Variants in ARNT observed in about 807,000 individuals in gnomAD.
ARNT encodes aryl hydrocarbon receptor nuclear translocator.
A neutral mutation model predicts 105.0 loss-of-function variants in ARNT; 30 were observed. That is an observed-to-expected ratio of 0.29 (90% CI 0.21 to 0.39). The LOEUF is 0.39. Among genes scored for constraint, ARNT ranks in the 10% least tolerant of loss-of-function variants. The pLI, the probability that ARNT is intolerant of heterozygous loss-of-function variation, is 1.00. For missense variants in ARNT, 748 were observed against 978.7 expected (o/e 0.76, Z 3.15); for synonymous variants, 304 against 344.0 (o/e 0.88, Z 1.29).
At chr1:150,846,183 A>T (rs1662168686) in intron 4 of ARNT, 80 bp downstream of exon 4, 1 of 1,227,290 alleles carries the variant, frequency 8.1e-7, no homozygotes, top group Non-Finnish European at 1.2e-6. Flanking sequence ...AGAAAAAATT[A>T]AGTCAATATG....
intron 21 of ARNT, 69 bp downstream of exon 21, chr1:150,813,103 C>T: frequency 1.3e-6 from 2 of 1,535,620 alleles, no homozygotes; most frequent in Non-Finnish European, 8.9e-7. Context: ...GCTTCCTTCA[C>T]TGTCTCTCCT....
chr1:150,847,983 C>T (rs1268308726), intron 3 of ARNT, among the ~76,000 whole-genome samples: 2 of 151,980 alleles, frequency 1.3e-5, no homozygotes, highest in Non-Finnish European at 2.9e-5. Flanking sequence ...AAGATAGATG[C>T]TATTAACTGT....
intron 4 of ARNT, among the ~76,000 whole-genome samples, chr1:150,844,038 C>T (rs937953125): frequency 4.6e-5 from 7 of 152,074 alleles, no homozygotes; most frequent in South Asian, 2.1e-4. Flanking sequence ...ATCATTCATG[C>T]GATGTTTTCA....
At chr1:150,839,261 T>C (rs965411906) in intron 6 of ARNT, 180 bp downstream of exon 6, 3 of 625,510 alleles carry the variant, frequency 4.8e-6, no homozygotes, top group Non-Finnish European at 8.3e-6. Context: ...TAAATAGTTT[T>C]CACAACTCTT....
chr1:150,844,439 T>C (rs963104073), intron 4 of ARNT, among the ~76,000 whole-genome samples: 2 of 152,214 alleles, frequency 1.3e-5, no homozygotes, highest in Non-Finnish European at 2.9e-5. Flanking sequence ...AGCCTGAGAT[T>C]GCATCTCACC....
chr1:150,814,714 G>A (rs1341543849), intron 19 of ARNT, among the ~76,000 whole-genome samples: 4 of 152,078 alleles, frequency 2.6e-5, no homozygotes, highest in Admixed American at 6.6e-5. Flanking sequence ...ATGGTGGCAC[G>A]TGCCTGTAAT....
At chr1:150,833,763 A>G (rs1424823383) in intron 8 of ARNT, among the ~76,000 whole-genome samples, 1 of 152,038 alleles carries the variant, frequency 6.6e-6, no homozygotes, top group Non-Finnish European at 1.5e-5. Context: ...AAGACATAGG[A>G]AGTCTCAAAT....
chr1:150,832,889 G>C (rs1016553949), intron 8 of ARNT, among the ~76,000 whole-genome samples: 5 of 152,054 alleles, frequency 3.3e-5, no homozygotes, highest in Non-Finnish European at 7.4e-5. Flanking sequence ...CTATGTCTTT[G>C]CATTAGCCAT....
In ARNT at chr1:150,811,761, T is replaced by C. The variant is rs935892692; in HGVS notation, c.*260A>G. On this transcript the variant is annotated 3_prime_UTR_variant, in exon 22 of 22. Coordinates refer to ENST00000358595, the MANE Select transcript of ARNT (RefSeq NM_001668.4). ...CTATACAATTTCAGGTCAGGAGACATAAGGAAAGGTGTTTTAACTTCACCC... is the reference window on the plus strand; with the variant it reads ...CTATACAATTTCAGGTCAGGAGACACAAGGAAAGGTGTTTTAACTTCACCC... The C allele has an allele frequency of 1.3e-5, 4 of 301,326 alleles. No individual in the cohort carries two copies. The highest frequency in any genetic ancestry group is 2.5e-5 in the Non-Finnish European group (4 of 162,770). The allele number at this position is 301,326 out of a possible 1,614,324, so 18.7% of individuals were successfully genotyped here. A position where few individuals can be genotyped will look rare whatever the true frequency, so the allele number is the denominator to read the frequency against.
chr1:150,834,094 C>T (rs1227637900), intron 8 of ARNT, among the ~76,000 whole-genome samples: 2 of 151,942 alleles, frequency 1.3e-5, no homozygotes, highest in East Asian at 1.9e-4. Flanking sequence ...CCACCACGCC[C>T]GTCTAATTTT....
At chr1:150,847,089 A>C (rs757473181) in intron 3 of ARNT, among the ~76,000 whole-genome samples, 1 of 152,186 alleles carries the variant, frequency 6.6e-6, no homozygotes, top group Non-Finnish European at 1.5e-5. Flanking sequence ...GTGTGCAAAT[A>C]TCTCTTCAAG....
At chr1:150,813,810 G>C (rs1186210652) in intron 20 of ARNT, among the ~76,000 whole-genome samples, 1 of 151,894 alleles carries the variant, frequency 6.6e-6, no homozygotes, top group East Asian at 1.9e-4. Context: ...ACACCCGGTA[G>C]AGACAGGGTT....
At position 150,832,256 on chromosome 1, in the gene ARNT, A is replaced by G. The variant is rs111746420; in HGVS notation, c.869+78T>C. 47 of 1,474,778 alleles carry G rather than the reference A, an allele frequency of 3.2e-5. 1 individual carries two copies. Among genetic ancestry groups the G allele is most frequent in the African/African-American group, 2.5e-4 (18 of 72,066 alleles). The allele number at this position is 1,474,778 out of a possible 1,614,324, so 91.4% of individuals were successfully genotyped here. A position where few individuals can be genotyped will look rare whatever the true frequency, so the allele number is the denominator to read the frequency against. ...AGTGAGAGCTGCTGAAGGAACGACT[A>G]CAGTAAGACAGGTAAAAATGTGATG... is the stretch of plus-strand genomic sequence containing the variant. On this transcript the variant is annotated intron_variant, in intron 9 of 21. Transcript: ENST00000358595.
intron 1 of ARNT, among the ~76,000 whole-genome samples, chr1:150,861,863 A>G (rs1373219611): frequency 6.6e-6 from 1 of 152,256 alleles, no homozygotes; most frequent in Admixed American, 6.5e-5. Context: ...TGTAAATTAC[A>G]TAATATCCAG....
At chr1:150,868,180 C>T (rs1398493551) in intron 1 of ARNT, among the ~76,000 whole-genome samples, 1 of 151,900 alleles carries the variant, frequency 6.6e-6, no homozygotes, top group African/African-American at 2.4e-5. Flanking sequence ...CCAAGCCGGG[C>T]ACTGTGGTGT....
rs185688546 is a variant in ARNT, at chr1:150,869,183, A to G, written c.25+7360T>C. 2.6e-5 allele frequency among the ~76,000 whole-genome samples: 4 copies of G among 152,196 alleles called. No homozygotes were observed. The East Asian group carries it at 7.8e-4, about 30-fold the overall frequency. On this transcript the variant is annotated intron_variant, in intron 1 of 21. Coordinates refer to ENST00000358595, the MANE Select transcript of ARNT (RefSeq NM_001668.4). ...TGAAACATAGAACTAGGAGAAAGAA[A>G]TATAGAATGTTAGGCTGGGCGCGCT... is the stretch of plus-strand genomic sequence containing the variant.
chr1:150,825,227 A>T (rs1204240315), intron 13 of ARNT, among the ~76,000 whole-genome samples: 1 of 152,212 alleles, frequency 6.6e-6, no homozygotes, highest in African/African-American at 2.4e-5. Context: ...ATATTCCTAA[A>T]AATTAAAAAA....
At position 150,817,041 on chromosome 1, in the gene ARNT, T is replaced by C. The variant is rs757632903; in HGVS notation, c.1699+41A>G. On this transcript the variant is annotated intron_variant, in intron 17 of 21. Coordinates refer to ENST00000358595, the MANE Select transcript of ARNT (RefSeq NM_001668.4). ...CAGTGGCATGCCCATCAGTAAGTGATCTAAATGAGAATTTAAAAGGATAAT... is the reference window on the plus strand; with the variant it reads ...CAGTGGCATGCCCATCAGTAAGTGACCTAAATGAGAATTTAAAAGGATAAT... 7 of 1,613,592 alleles carry C rather than the reference T, an allele frequency of 4.3e-6. No homozygotes were observed. The East Asian group carries it at 1.6e-4, about 36-fold the overall frequency.
intron 21 of ARNT, 59 bp from the exon 22 acceptor site, chr1:150,812,169 G>A: frequency 3.9e-6 from 5 of 1,269,844 alleles, no homozygotes; most frequent in Non-Finnish European, 5.3e-6. Flanking sequence ...CACTTACCAA[G>A]TTCTACTCCA....
Sources: gnomAD v4.1 joint callset for allele counts (sites outside exome capture counted in the v4.1 genomes callset) on GRCh38, gnomAD v4.1.1 for gene constraint, MANE v1.5 for transcripts, NCBI Gene and HGNC (gene_info 2026-07-23, HGNC 2026-07-21) for gene names.